The following PUM2 variants were observed in gnomAD, a reference collection of about 807,000 sequenced individuals.
PUM2 encodes the protein pumilio homolog 2.
Under a neutral mutation model 124.5 loss-of-function variants are expected in PUM2, and 57 were observed. The observed-to-expected ratio is 0.46, with a 90% confidence interval of 0.37 to 0.57. The LOEUF is 0.57. Ranked by LOEUF, PUM2 falls within the 20% of genes least tolerant of loss-of-function variation. The pLI, the probability that PUM2 is intolerant of heterozygous loss-of-function variation, is 0.00. For missense variants in PUM2, 1,065 were observed against 1,290.6 expected (o/e 0.83, Z 2.68); for synonymous variants, 460 against 446.1 (o/e 1.03, Z -0.39).
At chr2:20,311,403 A>AATG in intron 5 of PUM2, 91 bp downstream of exon 5, 1 of 1,348,140 alleles carries the variant, frequency 7.4e-7, no homozygotes, top group East Asian at 2.4e-5. Context: ...AATAAACCTA[A>AATG]ATGATGAAAA....
intron 1 of PUM2, among the ~76,000 whole-genome samples, chr2:20,327,715 T>C (rs1425708065): frequency 1.5e-4 from 23 of 152,160 alleles, no homozygotes; most frequent in Admixed American, 9.2e-4. Context: ...TGTTTGTTTT[T>C]TTTAAATGGC....
chr2:20,266,501 A>G (rs945653839), intron 13 of PUM2, among the ~76,000 whole-genome samples: 3 of 151,892 alleles, frequency 2.0e-5, no homozygotes, highest in East Asian at 3.8e-4. Context: ...AAAAAAAAAA[A>G]AGAGAAAAAG....
At chr2:20,299,949 G>C (rs1319627956) in intron 7 of PUM2, among the ~76,000 whole-genome samples, 1 of 152,166 alleles carries the variant, frequency 6.6e-6, no homozygotes, top group Non-Finnish European at 1.5e-5. Context: ...TCAATAGAAA[G>C]GAAATGCTTG....
At position 20,308,465 on chromosome 2, in the gene PUM2, A is replaced by G; in HGVS notation, c.638T>C (p.Val213Ala). 1 of 1,614,130 alleles carries G rather than the reference A, an allele frequency of 6.2e-7. No individual in the cohort carries two copies. Among genetic ancestry groups the G allele is most frequent in the Middle Eastern group, 1.6e-4 (1 of 6,062 alleles). The change falls in exon 6 of 21, where the codon GTT (valine) becomes GCT (alanine). Residue 213 changes from valine (V) to alanine (A), a missense_variant. Physicochemically the swap from Val to Ala is moderately conservative, Grantham distance 64. Transcript: ENST00000361078. The stretch of plus-strand genomic sequence containing the variant: ...AGTTTCAGGATTTGAAAATTCTTCA[A>G]CAAGTGGTTTATTAGCTGTAGGATT... Reference protein sequence around the residue: ...LPNPTANKPLVEEFSNPETQN... With the variant: ...LPNPTANKPLAEEFSNPETQN...
chr2:20,261,394 C>CAAAAAAGAAAAAAAAAAAAA (rs1666199154), intron 14 of PUM2, among the ~76,000 whole-genome samples: 1 of 76,758 alleles, frequency 1.3e-5, no homozygotes, highest in African/African-American at 5.7e-5. Flanking sequence ...ACTCTGTCTC[C>CAAAAAAGAAAAAAAAAAAAA]AAAAAAAAAA....
chr2:20,305,562 A>G (rs1425547016), intron 7 of PUM2, among the ~76,000 whole-genome samples: 1 of 151,902 alleles, frequency 6.6e-6, no homozygotes, highest in Non-Finnish European at 1.5e-5. Context: ...AGATACACAG[A>G]GACTAATTTC....
At chr2:20,283,751 T>C (rs1672094802) in intron 10 of PUM2, among the ~76,000 whole-genome samples, 1 of 151,834 alleles carries the variant, frequency 6.6e-6, no homozygotes, top group African/African-American at 2.4e-5. Context: ...ATATAGAAAC[T>C]ACAGGCTATG....
At chr2:20,279,504 A>G (rs1200459602) in intron 12 of PUM2, among the ~76,000 whole-genome samples, 1 of 152,200 alleles carries the variant, frequency 6.6e-6, no homozygotes, top group Non-Finnish European at 1.5e-5. Flanking sequence ...CTTATCCCAC[A>G]GGACTCTTCT....
chr2:20,296,452 G>A (rs1018291422), intron 8 of PUM2, among the ~76,000 whole-genome samples: 6 of 151,242 alleles, frequency 4.0e-5, no homozygotes, highest in Non-Finnish European at 7.4e-5. Context: ...CCGAGATCGT[G>A]CCACTGCACT....
intron 8 of PUM2, among the ~76,000 whole-genome samples, chr2:20,296,921 ACT>A (rs1260600687): frequency 6.6e-6 from 1 of 151,870 alleles, no homozygotes; most frequent in Non-Finnish European, 1.5e-5. Flanking sequence ...AGACAGTCTC[ACT>A]CTGTCACCCA....
chr2:20,310,300 A>T (rs1206600239), intron 5 of PUM2, among the ~76,000 whole-genome samples: 1 of 152,086 alleles, frequency 6.6e-6, no homozygotes, highest in Non-Finnish European at 1.5e-5. Context: ...TAAAGTCCAC[A>T]TTAATATTTC....
At chr2:20,284,574 T>C (rs1672300985) in intron 10 of PUM2, among the ~76,000 whole-genome samples, 1 of 152,138 alleles carries the variant, frequency 6.6e-6, no homozygotes, top group African/African-American at 2.4e-5. Context: ...CCTAGCCTAG[T>C]CTTTAACTCC....
At chr2:20,279,204 A>G (rs748440560) in intron 12 of PUM2, among the ~76,000 whole-genome samples, 1 of 152,168 alleles carries the variant, frequency 6.6e-6, no homozygotes, top group Non-Finnish European at 1.5e-5. Flanking sequence ...AATCTCTGAA[A>G]CCTGCTTCTT....
At chr2:20,318,415 A>T in intron 3 of PUM2, 122 bp downstream of exon 3, 1 of 762,948 alleles carries the variant, frequency 1.3e-6, no homozygotes, top group Non-Finnish European at 2.1e-6. Context: ...CAGCCTGGGC[A>T]ATAGCGCAAA....
chr2:20,348,970 G>A (rs565559535), intron 1 of PUM2, among the ~76,000 whole-genome samples: 102 of 152,358 alleles, frequency 6.7e-4, no homozygotes, highest in African/African-American at 2.4e-3. Flanking sequence ...TGGAATGCTT[G>A]AGAGAAACAA....
intron 2 of PUM2, among the ~76,000 whole-genome samples, chr2:20,323,501 T>C (rs1001887917): frequency 6.6e-6 from 1 of 151,826 alleles, no homozygotes; most frequent in African/African-American, 2.4e-5. Flanking sequence ...ACATAAATAT[T>C]AGGTATCTTC....
At position 20,308,541 on chromosome 2, in the gene PUM2, C is replaced by G; in HGVS notation, c.562G>C (p.Glu188Gln). ...SRQASPTEVV[E>Q]RLGPNTNPSE... ...GGATTAGTATTGGGGCCCAAGCGCT[C>G]AACTACTTCAGTTGGAGAGGCTTGA... The change falls in exon 6 of 21, where the codon GAG becomes CAG. Residue 188 changes from glutamate to glutamine, a missense_variant. Glu to Gln is a conservative substitution (Grantham distance 29). Around this residue, in one of 3 missense-constraint regions of PUM2, gnomAD observed 968 missense variants for 1,159.8 expected, o/e 0.83. Transcript: ENST00000361078. 6.2e-7 allele frequency: 1 copy of G among 1,613,906 alleles called. No individual in the cohort carries two copies. The highest frequency in any genetic ancestry group is 8.5e-7 in the Non-Finnish European group (1 of 1,179,862).
At chr2:20,329,533 G>A (rs917673634) in intron 1 of PUM2, among the ~76,000 whole-genome samples, 1 of 151,976 alleles carries the variant, frequency 6.6e-6, no homozygotes, top group African/African-American at 2.4e-5. Flanking sequence ...TATGTCTGAA[G>A]AACAAAGAGA....
intron 2 of PUM2, among the ~76,000 whole-genome samples, chr2:20,321,829 AAAG>A (rs965501031): frequency 3.9e-5 from 6 of 152,124 alleles, no homozygotes; most frequent in African/African-American, 1.4e-4. Context: ...ACAAACTCTA[AAAG>A]AAGGTCAGGC....
Sources: allele counts gnomAD v4.1 joint callset (sites outside exome capture counted in the v4.1 genomes callset), GRCh38; gene constraint gnomAD v4.1.1; regional missense constraint gnomAD v4.1.1; transcripts MANE v1.5; gene names NCBI Gene and HGNC (gene_info 2026-07-23, HGNC 2026-07-21).